Variants in RANBP17 observed in about 807,000 individuals in gnomAD.
The protein encoded by RANBP17 is RAN binding protein 17.
Under a neutral mutation model 141.2 loss-of-function variants are expected in RANBP17, and 158 were observed. The observed-to-expected ratio is 1.12, with a 90% CI of 0.98 to 1.28. RANBP17 has a LOEUF of 1.28. RANBP17 is among the 50% of genes most tolerant of loss of function. The pLI is 0.00. For synonymous variants in RANBP17, 430 were observed against 450.0 expected, an observed-to-expected ratio of 0.96 and a Z score of 0.56; for missense variants, 1,438 against 1,290.7, an observed-to-expected ratio of 1.11 and a Z score of -1.75.
chr5:170,942,733 A>G (rs974742044), intron 12 of RANBP17, among the ~76,000 whole-genome samples: 18 of 152,174 alleles, frequency 1.2e-4, no homozygotes, highest in African/African-American at 3.9e-4. Flanking sequence ...TTGTTTTGTT[A>G]CACTTCATAT....
chr5:171,161,091 T>C (rs1434874292), intron 14 of RANBP17, among the ~76,000 whole-genome samples: 1 of 152,124 alleles, frequency 6.6e-6, no homozygotes, highest in East Asian at 1.9e-4. Context: ...CGCGCCCGGC[T>C]GAGATTCTTA....
intron 14 of RANBP17, among the ~76,000 whole-genome samples, chr5:171,101,780 G>T (rs560351475): frequency 1.1e-3 from 172 of 152,284 alleles, no homozygotes; most frequent in African/African-American, 4.0e-3. Context: ...TTCTTGTAAG[G>T]CAGGCCTAGT....
intron 14 of RANBP17, among the ~76,000 whole-genome samples, chr5:170,999,029 C>T (rs1779025267): frequency 6.6e-6 from 1 of 152,010 alleles, no homozygotes; most frequent in Admixed American, 6.6e-5. Context: ...ATTTGAGGCT[C>T]ACTGAAAATG....
intron 1 of RANBP17, 70 bp downstream of exon 1, chr5:170,862,121 C>G (rs192159721): frequency 1.5e-6 from 2 of 1,373,866 alleles, no homozygotes; most frequent in Non-Finnish European, 1.9e-6. Context: ...GTCTGGAGAC[C>G]GAGGGCCGAG....
At chr5:171,055,896 AC>A (rs1339271769) in intron 14 of RANBP17, among the ~76,000 whole-genome samples, 902 of 32,858 alleles carry the variant, frequency 0.027, 74 homozygotes, top group Middle Eastern at 0.088. Context: ...AAAAAAAAAA[AC>A]AAAAAAAAAA....
At chr5:171,085,283 C>T (rs1160594534) in intron 14 of RANBP17, among the ~76,000 whole-genome samples, 4 of 143,016 alleles carry the variant, frequency 2.8e-5, no homozygotes, top group Admixed American at 7.0e-5. Flanking sequence ...AGATATGCAG[C>T]GTTATTTCTG....
intron 24 of RANBP17, among the ~76,000 whole-genome samples, chr5:171,251,423 G>C (rs750627118): frequency 6.6e-6 from 1 of 151,472 alleles, no homozygotes; most frequent in Admixed American, 6.6e-5. Flanking sequence ...TATCTTCTCA[G>C]ACCACAGTGG....
intron 14 of RANBP17, among the ~76,000 whole-genome samples, chr5:171,040,608 G>GA (rs931929055): frequency 4.6e-5 from 7 of 152,008 alleles, no homozygotes; most frequent in African/African-American, 1.7e-4. Context: ...TCCTTGAATT[G>GA]AAAAAAAGTT....
intron 19 of RANBP17, among the ~76,000 whole-genome samples, chr5:171,200,804 ACC>A (rs1167434015): frequency 3.9e-5 from 6 of 152,230 alleles, no homozygotes; most frequent in Non-Finnish European, 5.9e-5. Flanking sequence ...CAAATGCTAT[ACC>A]TCTTAATTTA....
chr5:171,240,340 T>C (rs1354765967), intron 22 of RANBP17, among the ~76,000 whole-genome samples: 1 of 152,176 alleles, frequency 6.6e-6, no homozygotes, highest in Non-Finnish European at 1.5e-5. Context: ...CAATCATCTC[T>C]TGAGATCTTC....
At chr5:170,939,967 ATT>A (rs1233129711) in intron 12 of RANBP17, among the ~76,000 whole-genome samples, 6 of 152,260 alleles carry the variant, frequency 3.9e-5, no homozygotes, top group Non-Finnish European at 8.8e-5. Flanking sequence ...AGCAAATTCA[ATT>A]TTTTTAAAAG....
intron 11 of RANBP17, among the ~76,000 whole-genome samples, chr5:170,923,696 C>G (rs1038493595): frequency 2.5e-4 from 38 of 152,104 alleles, no homozygotes; most frequent in African/African-American, 8.9e-4. Context: ...GGTATTTAGC[C>G]TTCAGATCTT....
At chr5:171,189,440 ACTAT>A (rs1245113639) in intron 18 of RANBP17, among the ~76,000 whole-genome samples, 1 of 152,172 alleles carries the variant, frequency 6.6e-6, no homozygotes, top group African/African-American at 2.4e-5. Context: ...CAAGGTATGG[ACTAT>A]CTTTTTTATA....
At chr5:171,172,287 T>C (rs1240262486) in intron 16 of RANBP17, among the ~76,000 whole-genome samples, 1 of 151,910 alleles carries the variant, frequency 6.6e-6, no homozygotes, top group Non-Finnish European at 1.5e-5. Context: ...AAATCCACCA[T>C]GCAATATTTC....
chr5:171,291,208 C>T (rs1180691759), intron 25 of RANBP17, among the ~76,000 whole-genome samples: 2 of 152,162 alleles, frequency 1.3e-5, no homozygotes, highest in African/African-American at 4.8e-5. Context: ...CCTAAGTGGA[C>T]CAAGTCATAC....
intron 8 of RANBP17, among the ~76,000 whole-genome samples, chr5:170,914,640 C>G (rs555860637): frequency 6.6e-6 from 1 of 152,294 alleles, no homozygotes; most frequent in African/African-American, 2.4e-5. Flanking sequence ...TTAGGTTTGA[C>G]AGGCTGTCCC....
chr5:171,086,656 A>G (rs918133799), intron 14 of RANBP17, among the ~76,000 whole-genome samples: 6 of 150,604 alleles, frequency 4.0e-5, no homozygotes, highest in African/African-American at 1.2e-4. Flanking sequence ...TTATTGGTCT[A>G]TTCACAGATT....
chr5:171,130,554 A>G (rs1290843243), intron 14 of RANBP17, among the ~76,000 whole-genome samples: 1 of 145,792 alleles, frequency 6.9e-6, no homozygotes, highest in African/African-American at 2.5e-5. Context: ...CTCCTGCCTC[A>G]GCCTCCCAAG....
At chr5:171,064,114 T>C (rs994368944) in intron 14 of RANBP17, among the ~76,000 whole-genome samples, 7 of 152,252 alleles carry the variant, frequency 4.6e-5, no homozygotes, top group Non-Finnish European at 8.8e-5. Flanking sequence ...CTTGCACTTC[T>C]GGAGTGAGGC....
Sources: gnomAD v4.1 joint callset for allele counts (sites outside exome capture counted in the v4.1 genomes callset) on GRCh38, gnomAD v4.1.1 for gene constraint, MANE v1.5 for transcripts, NCBI Gene and HGNC (gene_info 2026-07-23, HGNC 2026-07-21) for gene names.